TRABD2B: variants seen among roughly 807,000 people sequenced by gnomAD.
TRABD2B encodes the protein metalloprotease TIKI2.
In TRABD2B, 14 loss-of-function variants were observed where a neutral mutation model predicts 40.1. The observed-to-expected ratio is 0.35, with a 90% CI of 0.23 to 0.55. The LOEUF (loss-of-function observed/expected upper bound fraction) is 0.55. Among genes scored for constraint, TRABD2B ranks in the 20% least tolerant of loss-of-function variants. TRABD2B has a pLI of 0.90. For missense variants in TRABD2B, 541 were observed against 648.6 expected (o/e 0.83, Z 1.80); for synonymous variants, 263 against 277.0 (o/e 0.95, Z 0.50).
intron 5 of TRABD2B, among the ~76,000 whole-genome samples, chr1:47,777,291 AAC>A (rs1328112524): frequency 6.6e-6 from 1 of 152,214 alleles, no homozygotes; most frequent in Admixed American, 6.5e-5. Flanking sequence ...CCAACCCTCA[AAC>A]ACATGCTTGC....
intron 2 of TRABD2B, among the ~76,000 whole-genome samples, chr1:47,803,888 G>T (rs1314334359): frequency 1.3e-5 from 2 of 152,190 alleles, no homozygotes; most frequent in African/African-American, 2.4e-5. Flanking sequence ...TACAACTTCT[G>T]CACTCTGCAT....
At chr1:47,986,124 A>G (rs576200267) in intron 2 of TRABD2B, among the ~76,000 whole-genome samples, 2 of 152,336 alleles carry the variant, frequency 1.3e-5, no homozygotes, top group South Asian at 4.1e-4. Flanking sequence ...TGCTCTGGAT[A>G]GTGAAGAGGA....
At chr1:47,908,143 G>A (rs1175708266) in intron 2 of TRABD2B, among the ~76,000 whole-genome samples, 1 of 152,138 alleles carries the variant, frequency 6.6e-6, no homozygotes, top group African/African-American at 2.4e-5. Context: ...ATGGTGAACT[G>A]AATACAGGAA....
intron 2 of TRABD2B, among the ~76,000 whole-genome samples, chr1:47,835,155 A>T (rs954125482): frequency 6.6e-6 from 1 of 152,238 alleles, no homozygotes; most frequent in African/African-American, 2.4e-5. Context: ...CAATAACTGA[A>T]ATGAAAAATT....
At position 47,809,048 on chromosome 1, in the gene TRABD2B, C is replaced by T. The variant is rs573768021; in HGVS notation, c.667-7429G>A. 5.3e-5 allele frequency among the ~76,000 whole-genome samples: 8 copies of T among 152,240 alleles called. No homozygotes were observed. In the South Asian group the frequency reaches 1.5e-3, roughly 28 times the overall value. On this transcript the variant is annotated intron_variant, in intron 2 of 6. Coordinates refer to ENST00000606738, the MANE Select transcript of TRABD2B (RefSeq NM_001194986.2). ...TGCCCAGGCTGACGAAACCTTGCTC[C>T]CTGCCCAGGATCCCCTCCTCTGCAC... is the stretch of plus-strand genomic sequence containing the variant.
At chr1:47,775,825 G>A (rs1294277602) in intron 5 of TRABD2B, among the ~76,000 whole-genome samples, 10 of 152,168 alleles carry the variant, frequency 6.6e-5, no homozygotes, top group African/African-American at 2.4e-4. Flanking sequence ...AACAGAGACA[G>A]GTGTGAGAGT....
intron 2 of TRABD2B, among the ~76,000 whole-genome samples, chr1:47,979,614 G>A (rs923177646): frequency 6.6e-6 from 1 of 152,128 alleles, no homozygotes; most frequent in African/African-American, 2.4e-5. Flanking sequence ...TGGGGCTGGG[G>A]CGAACATCAG....
intron 2 of TRABD2B, among the ~76,000 whole-genome samples, chr1:47,949,897 G>T (rs1391105628): frequency 6.6e-6 from 1 of 152,190 alleles, no homozygotes; most frequent in Non-Finnish European, 1.5e-5. Flanking sequence ...GATGTACCAG[G>T]CATGGAGCCT....
chr1:47,776,546 C>T (rs982786997), intron 5 of TRABD2B, among the ~76,000 whole-genome samples: 7 of 152,194 alleles, frequency 4.6e-5, no homozygotes, highest in Admixed American at 3.9e-4. Context: ...ATGTTTTATA[C>T]AGGGGCATAC....
At chr1:47,853,687 C>T (rs1570128589) in intron 2 of TRABD2B, among the ~76,000 whole-genome samples, 1 of 152,170 alleles carries the variant, frequency 6.6e-6, no homozygotes, top group East Asian at 1.9e-4. Context: ...ATCCATCCAC[C>T]TATCCACCCA....
chr1:47,955,924 A>C (rs2148394162), intron 2 of TRABD2B, among the ~76,000 whole-genome samples: 1 of 152,262 alleles, frequency 6.6e-6, no homozygotes, highest in Admixed American at 6.5e-5. Flanking sequence ...TGTACCTCCT[A>C]GGCTGCTGCC....
intron 2 of TRABD2B, among the ~76,000 whole-genome samples, chr1:47,904,797 T>G (rs972753448): frequency 4.6e-5 from 7 of 152,260 alleles, no homozygotes; most frequent in Admixed American, 2.0e-4. Context: ...GTTCTTCTAA[T>G]TGAGTTAAGC....
At chr1:47,993,582 T>C (rs1197712408) in intron 2 of TRABD2B, among the ~76,000 whole-genome samples, 1 of 151,962 alleles carries the variant, frequency 6.6e-6, no homozygotes, top group Non-Finnish European at 1.5e-5. Context: ...CCCAGGCAAC[T>C]CCTTGTTGGC....
intron 6 of TRABD2B, among the ~76,000 whole-genome samples, chr1:47,771,203 G>T: frequency 6.6e-6 from 1 of 151,804 alleles, no homozygotes; most frequent in East Asian, 1.9e-4. Context: ...TGGAGAATCT[G>T]GGGGCAGGAG....
At chr1:47,884,913 G>A (rs1644351517) in intron 2 of TRABD2B, among the ~76,000 whole-genome samples, 1 of 152,128 alleles carries the variant, frequency 6.6e-6, no homozygotes, top group South Asian at 2.1e-4. Flanking sequence ...AATGCACCTA[G>A]CCAGGATCAT....
chr1:47,783,196 A>G (rs1014218884), intron 4 of TRABD2B, among the ~76,000 whole-genome samples: 8 of 152,042 alleles, frequency 5.3e-5, no homozygotes, highest in African/African-American at 1.4e-4. Context: ...CAATGTGGAG[A>G]GAAAGAGAAA....
At chr1:47,948,369 C>G (rs912350343) in intron 2 of TRABD2B, among the ~76,000 whole-genome samples, 1 of 152,120 alleles carries the variant, frequency 6.6e-6, no homozygotes, top group East Asian at 1.9e-4. Context: ...CCAATCAGGC[C>G]GGAACTGTCA....
At position 47,996,816 on chromosome 1, in the gene TRABD2B, G is replaced by A. The variant is rs1646100258; in HGVS notation, c.-27C>T. 5.9e-6 allele frequency: 7 copies of A among 1,179,554 alleles called. No individual in the cohort carries two copies. Among genetic ancestry groups the A allele is most frequent in the South Asian group, 4.2e-5 (1 of 23,824 alleles). The allele number at this position is 1,179,554 out of a possible 1,614,324, so 73.1% of individuals were successfully genotyped here. On this transcript the variant is annotated 5_prime_UTR_variant, in exon 1 of 7. Coordinates refer to ENST00000606738, the MANE Select transcript of TRABD2B (RefSeq NM_001194986.2). This position sits in a 1 kb window ranked among gnomAD's most constrained non-coding sequence, Gnocchi z 4.6. ...CTGCCAGGGCCCGCGGGGCGCGGGG[G>A]ACCCTCCTGGGCGGCGCCCCTCAGC...
chr1:47,883,169 T>C (rs72692124), intron 2 of TRABD2B, among the ~76,000 whole-genome samples: 2,423 of 152,268 alleles, frequency 0.016, 34 homozygotes, highest in Non-Finnish European at 0.027. Flanking sequence ...ACCCAGCTTG[T>C]AGGCCAGGAA....
Sources: allele counts gnomAD v4.1 joint callset (sites outside exome capture counted in the v4.1 genomes callset), GRCh38; gene constraint gnomAD v4.1.1; non-coding constraint Gnocchi (gnomAD v3.1); transcripts MANE v1.5; gene names NCBI Gene and HGNC (gene_info 2026-07-23, HGNC 2026-07-21).